The following WDR70 variants were observed in gnomAD, a reference collection of about 807,000 sequenced individuals.
WDR70 encodes WD repeat domain 70.
In WDR70, 53 loss-of-function variants were observed where a neutral mutation model predicts 88.6. The ratio of observed to expected loss-of-function variants is 0.60; its 90% CI spans 0.48 to 0.75. The LOEUF is 0.75. WDR70 is among the 30% of genes least tolerant of loss of function. The pLI is 0.00. For missense variants in WDR70, 610 were observed against 823.2 expected (o/e 0.74, Z 3.17); for synonymous variants, 280 against 270.0 (o/e 1.04, Z -0.36).
intron 9 of WDR70, among the ~76,000 whole-genome samples, chr5:37,564,098 G>T (rs1459863912): frequency 4.1e-4 from 61 of 150,474 alleles, no homozygotes; most frequent in African/African-American, 1.5e-3. Flanking sequence ...GCCAGGCAGA[G>T]ACGCTCCTCA....
intron 9 of WDR70, among the ~76,000 whole-genome samples, chr5:37,598,007 A>G (rs931939125): frequency 6.6e-6 from 1 of 152,182 alleles, no homozygotes; most frequent in Non-Finnish European, 1.5e-5. Flanking sequence ...AGTGTGAGGT[A>G]TGACTCAAAG....
At chr5:37,494,065 C>T (rs1384715355) in intron 8 of WDR70, among the ~76,000 whole-genome samples, 3 of 152,082 alleles carry the variant, frequency 2.0e-5, no homozygotes, top group South Asian at 2.1e-4. Flanking sequence ...ATGATCCACC[C>T]ACCTTGGCCT....
chr5:37,648,995 C>G (rs1215046647), intron 10 of WDR70, among the ~76,000 whole-genome samples: 1 of 152,082 alleles, frequency 6.6e-6, no homozygotes, highest in Non-Finnish European at 1.5e-5. Flanking sequence ...TGACGTAAAG[C>G]TAAAAAGTGT....
At chr5:37,480,737 G>A (rs532941026) in intron 8 of WDR70, among the ~76,000 whole-genome samples, 23 of 152,176 alleles carry the variant, frequency 1.5e-4, no homozygotes, top group Admixed American at 7.2e-4. Context: ...CGGCCCCTCC[G>A]AAATCTCATG....
At chr5:37,694,461 A>C (rs868796560) in intron 10 of WDR70, among the ~76,000 whole-genome samples, 4 of 152,292 alleles carry the variant, frequency 2.6e-5, no homozygotes, top group Admixed American at 6.5e-5. Flanking sequence ...ATGTCCATCA[A>C]TGGTAGACTG....
intron 7 of WDR70, among the ~76,000 whole-genome samples, chr5:37,463,537 T>G (rs986760105): frequency 6.6e-6 from 1 of 152,184 alleles, no homozygotes; most frequent in African/African-American, 2.4e-5. Flanking sequence ...TCCCATTCCC[T>G]TCCACTTCTA....
In WDR70 at chr5:37,752,578, T is replaced by A. The variant is rs1748846828; in HGVS notation, c.*5T>A. ...TGGAAAAAACGTAAAATTTGAAGAA[T>A]CTCATTTGAGAGCTGTTTGCATGAG... On this transcript the variant is annotated 3_prime_UTR_variant, in exon 18 of 18. Coordinates refer to ENST00000265107, the MANE Select transcript of WDR70 (RefSeq NM_018034.4). 1 of 1,607,580 alleles carries A rather than the reference T, an allele frequency of 6.2e-7. No individual in the cohort carries two copies. Among genetic ancestry groups the A allele is most frequent in the South Asian group, 1.1e-5 (1 of 90,258 alleles).
At position 37,486,587 on chromosome 5, in the gene WDR70, C is replaced by T. The variant is rs4317348; in HGVS notation, c.840+6600C>T. On this transcript the variant is annotated intron_variant, in intron 8 of 17. Transcript: ENST00000265107. ...CTCGAACTCCTGACCTCATGTGATC[C>T]GCCTGCCTTGGCCTCCTAAAGTGCT... Among the ~76,000 whole-genome samples, 861 of 152,190 alleles carry T rather than the reference C, an allele frequency of 5.7e-3. 13 individuals are homozygous for T. The highest frequency in any genetic ancestry group is 0.02 in the African/African-American group (813 of 41,518).
At chr5:37,539,631 G>A (rs1321674941) in intron 9 of WDR70, among the ~76,000 whole-genome samples, 1 of 152,170 alleles carries the variant, frequency 6.6e-6, no homozygotes, top group Non-Finnish European at 1.5e-5. Context: ...AGTGTTAGAG[G>A]AACTTAAGAC....
Position 37,721,216 on chromosome 5 carries a change from G to A in WDR70, c.1517+1G>A. 1 of 1,613,268 alleles carries A rather than the reference G, an allele frequency of 6.2e-7. No homozygotes were observed. Among genetic ancestry groups the A allele is most frequent in the Non-Finnish European group, 8.5e-7 (1 of 1,179,428 alleles). On this transcript the variant is annotated splice_donor_variant, in intron 14 of 17. Transcript: ENST00000265107. LOFTEE classifies it high-confidence loss of function. ...ATTACGACCCCAACAAGAGTCAGAG[G>A]TATTTCATAAGTATTGCCTGTTTTA...
chr5:37,547,673 T>C (rs966213553), intron 9 of WDR70, among the ~76,000 whole-genome samples: 1 of 152,164 alleles, frequency 6.6e-6, no homozygotes, highest in African/African-American at 2.4e-5. Flanking sequence ...TTCTTAAATG[T>C]ACGATTAAAT....
chr5:37,540,177 G>A (rs1049802730), intron 9 of WDR70, among the ~76,000 whole-genome samples: 7 of 151,992 alleles, frequency 4.6e-5, no homozygotes, highest in South Asian at 2.1e-4. Context: ...CTACAGCCTC[G>A]GGATAAAATA....
chr5:37,661,480 A>T (rs528986646), intron 10 of WDR70, among the ~76,000 whole-genome samples: 5 of 152,352 alleles, frequency 3.3e-5, no homozygotes, highest in African/African-American at 1.2e-4. Flanking sequence ...GACAGAGCCA[A>T]TTTATCAAGA....
intron 13 of WDR70, among the ~76,000 whole-genome samples, chr5:37,711,332 C>G (rs966678633): frequency 3.3e-5 from 5 of 152,196 alleles, no homozygotes; most frequent in African/African-American, 1.2e-4. Context: ...TTCCTCTTGC[C>G]TACCTGCACA....
At chr5:37,528,858 T>G (rs1005533276) in intron 9 of WDR70, among the ~76,000 whole-genome samples, 1 of 152,000 alleles carries the variant, frequency 6.6e-6, no homozygotes, top group African/African-American at 2.4e-5. Flanking sequence ...TTGCATTTCC[T>G]TTTGGGTTCT....
chr5:37,522,244 G>A (rs1561886263), intron 9 of WDR70, among the ~76,000 whole-genome samples: 1 of 151,728 alleles, frequency 6.6e-6, no homozygotes, highest in African/African-American at 2.4e-5. Context: ...AGGCTGAGGC[G>A]GGCGGATCAT....
chr5:37,380,321 G>T (rs1748385866), intron 2 of WDR70, among the ~76,000 whole-genome samples: 2 of 151,860 alleles, frequency 1.3e-5, no homozygotes, highest in South Asian at 4.2e-4. Flanking sequence ...ACACATACTA[G>T]TTCTGTAGTT....
At chr5:37,666,661 G>T (rs1003967164) in intron 10 of WDR70, among the ~76,000 whole-genome samples, 9 of 152,166 alleles carry the variant, frequency 5.9e-5, no homozygotes, top group Non-Finnish European at 1.0e-4. Flanking sequence ...CAAGGGTGCT[G>T]CACAAACAGA....
chr5:37,529,865 T>C (rs1414617377), intron 9 of WDR70, among the ~76,000 whole-genome samples: 1 of 152,178 alleles, frequency 6.6e-6, no homozygotes, highest in African/African-American at 2.4e-5. Context: ...CTATGTTGAG[T>C]AGAAGTGGGG....
Sources: allele counts gnomAD v4.1 joint callset (sites outside exome capture counted in the v4.1 genomes callset), GRCh38; gene constraint gnomAD v4.1.1; transcripts MANE v1.5; gene names NCBI Gene and HGNC (gene_info 2026-07-23, HGNC 2026-07-21).